NR2C2: variants seen among roughly 807,000 people sequenced by gnomAD.
The protein encoded by NR2C2 is Nuclear hormone receptor TR4.
Under a neutral mutation model 62.9 loss-of-function variants are expected in NR2C2, and 6 were observed. The ratio of observed to expected loss-of-function variants is 0.10; its 90% CI spans 0.05 to 0.19. The LOEUF is 0.19. Ranked by LOEUF, NR2C2 falls within the 10% of genes least tolerant of loss-of-function variation. NR2C2 has a pLI of 1.00. For synonymous variants in NR2C2, 272 were observed against 273.8 expected, an observed-to-expected ratio of 0.99 and a Z score of 0.07; for missense variants, 479 against 762.7, an observed-to-expected ratio of 0.63 and a Z score of 4.38.
chr3:14,994,134 T>A (rs1339366022), intron 1 of NR2C2, among the ~76,000 whole-genome samples: 1 of 152,122 alleles, frequency 6.6e-6, no homozygotes, highest in African/African-American at 2.4e-5. Flanking sequence ...TGTGAAATAC[T>A]TTTTGAATAG....
intron 1 of NR2C2, among the ~76,000 whole-genome samples, chr3:14,992,335 G>C (rs1258766582): frequency 6.6e-6 from 1 of 152,054 alleles, no homozygotes; most frequent in Non-Finnish European, 1.5e-5. Context: ...TTTATATAAT[G>C]AACTGCCAGG....
rs2042411768 is a variant in NR2C2 at position 15,045,335 on chromosome 3, C to T, written c.*2327C>T. 6.6e-6 allele frequency: 1 copy of T among 152,638 alleles called. No homozygotes were observed. 9.5% of individuals were successfully genotyped at this position (152,638 alleles called of 1,614,324 possible). ...CCCCTCCTCTCATTCCCAGGTCATT[C>T]AGTGGCAGCCAGTAGGCTGCTTAGA... On this transcript the variant is annotated 3_prime_UTR_variant, in exon 14 of 14. Transcript: ENST00000425241.
intron 1 of NR2C2, among the ~76,000 whole-genome samples, chr3:14,972,669 G>A (rs115846690): frequency 0.036 from 5,488 of 152,162 alleles, 350 homozygotes; most frequent in African/African-American, 0.12. Context: ...AATACCTGAG[G>A]CTGGGTAATT....
At chr3:14,991,120 C>T (rs772811697) in intron 1 of NR2C2, among the ~76,000 whole-genome samples, 5 of 152,230 alleles carry the variant, frequency 3.3e-5, no homozygotes, top group South Asian at 2.1e-4. Context: ...TTTAAAATCT[C>T]TATTGCCAAC....
At chr3:14,997,431 A>C (rs1204851389) in intron 1 of NR2C2, among the ~76,000 whole-genome samples, 1 of 152,228 alleles carries the variant, frequency 6.6e-6, no homozygotes, top group Non-Finnish European at 1.5e-5. Flanking sequence ...ACTCAACCAA[A>C]ATTTTAAATG....
In NR2C2 at chr3:15,048,339, G is replaced by C. The variant is rs753177241; in HGVS notation, c.*5331G>C. On this transcript the variant is annotated 3_prime_UTR_variant, in exon 14 of 14. Transcript: ENST00000425241. ...CTAGTTAAAATGCAATTGGAAACTT[G>C]ACAGTCTCTAAATGAATTAAAAGTT... is the stretch of plus-strand genomic sequence containing the variant. 4 of 152,634 alleles carry C rather than the reference G, an allele frequency of 2.6e-5. No homozygotes were observed. Among genetic ancestry groups the C allele is most frequent in the Non-Finnish European group, 5.9e-5 (4 of 68,050 alleles). The allele number at this position is 152,634 out of a possible 1,614,324, so 9.5% of individuals were successfully genotyped here.
chr3:14,976,980 C>T (rs1052593702), intron 1 of NR2C2, among the ~76,000 whole-genome samples: 9 of 152,122 alleles, frequency 5.9e-5, no homozygotes, highest in African/African-American at 1.9e-4. Context: ...TAAATGATAC[C>T]GTGCACTCAG....
At position 15,037,101 on chromosome 3, in the gene NR2C2, C is replaced by A. The variant is rs541365779; in HGVS notation, c.1373-899C>A. ...TGTGTCACTGCACTCCAGCCTGGGA[C>A]AGAGTGAGACTCAAAAAAAAAAAAA... is the stretch of plus-strand genomic sequence containing the variant. On this transcript the variant is annotated intron_variant, in intron 11 of 13. Coordinates refer to ENST00000425241, the MANE Select transcript of NR2C2 (RefSeq NM_001291694.2). Among the ~76,000 whole-genome samples the A allele has an allele frequency of 6.7e-5, 10 of 148,488 alleles. No homozygotes were observed. The South Asian group carries it at 1.9e-3, about 28-fold the overall frequency.
intron 1 of NR2C2, among the ~76,000 whole-genome samples, chr3:14,993,055 T>C (rs1379545131): frequency 1.3e-5 from 2 of 152,076 alleles, no homozygotes; most frequent in South Asian, 2.1e-4. Context: ...CAGGAAAAAA[T>C]AGAAAGGAAA....
At chr3:15,029,840 G>T (rs58787636) in intron 8 of NR2C2, among the ~76,000 whole-genome samples, 7,957 of 120,936 alleles carry the variant, frequency 0.066, 638 homozygotes, top group African/African-American at 0.22. Flanking sequence ...TAGATAGATA[G>T]ATATAGATAG....
intron 2 of NR2C2, among the ~76,000 whole-genome samples, chr3:15,012,478 G>A (rs560636176): frequency 6.6e-5 from 10 of 152,192 alleles, no homozygotes; most frequent in African/African-American, 1.9e-4. Context: ...CTCCCACCTC[G>A]GCCTCCCAGA....
At chr3:15,019,357 T>G (rs2041607122) in intron 4 of NR2C2, among the ~76,000 whole-genome samples, 1 of 152,182 alleles carries the variant, frequency 6.6e-6, no homozygotes, top group Non-Finnish European at 1.5e-5. Context: ...GAAAACTGTA[T>G]GGAGGTTCTT....
chr3:15,024,606 C>T (rs1397911635), intron 7 of NR2C2, among the ~76,000 whole-genome samples: 1 of 152,228 alleles, frequency 6.6e-6, no homozygotes, highest in Non-Finnish European at 1.5e-5. Flanking sequence ...GAAGCTCAGC[C>T]AGGAATCTAT....
rs549308161 is a variant in NR2C2 at position 15,048,561 on chromosome 3, A to G, written c.*5553A>G. The G allele has an allele frequency of 6.3e-4, 96 of 152,790 alleles. No homozygotes were observed. Among genetic ancestry groups the G allele is most frequent in the Non-Finnish European group, 1.2e-3 (81 of 68,040 alleles). 9.5% of individuals were successfully genotyped at this position (152,790 alleles called of 1,614,324 possible). On this transcript the variant is annotated 3_prime_UTR_variant, in exon 14 of 14. Transcript: ENST00000425241. ...TTGATTGATAGACTGTTAAAATTTA[A>G]TGTTTGGAATAACATTTGGAAGTAG...
At chr3:14,970,085 T>A (rs2039992412) in intron 1 of NR2C2, among the ~76,000 whole-genome samples, 1 of 152,178 alleles carries the variant, frequency 6.6e-6, no homozygotes, top group Non-Finnish European at 1.5e-5. Flanking sequence ...AGTTGACCAA[T>A]ACAATATTAG....
At chr3:14,977,731 G>A (rs1031888042) in intron 1 of NR2C2, among the ~76,000 whole-genome samples, 4 of 152,038 alleles carry the variant, frequency 2.6e-5, no homozygotes, top group Non-Finnish European at 5.9e-5. Flanking sequence ...TTGGGAGGCC[G>A]AGGCGGGCGG....
chr3:15,040,777 C>T (rs1419204290), intron 13 of NR2C2, among the ~76,000 whole-genome samples: 3 of 152,218 alleles, frequency 2.0e-5, no homozygotes, highest in Non-Finnish European at 4.4e-5. Flanking sequence ...TAACTTCAGC[C>T]TCAATACATA....
chr3:15,040,736 A>T (rs2042236385), intron 13 of NR2C2, among the ~76,000 whole-genome samples: 1 of 152,254 alleles, frequency 6.6e-6, no homozygotes, highest in Non-Finnish European at 1.5e-5. Flanking sequence ...TTTCTACTGG[A>T]ATCATTGAAG....
At chr3:14,964,164 G>C (rs975743957) in intron 1 of NR2C2, among the ~76,000 whole-genome samples, 1 of 151,992 alleles carries the variant, frequency 6.6e-6, no homozygotes, top group African/African-American at 2.4e-5. Flanking sequence ...AGTTCCTATG[G>C]CATATTTCTG....
Sources: gnomAD v4.1 joint callset for allele counts (sites outside exome capture counted in the v4.1 genomes callset) on GRCh38, gnomAD v4.1.1 for gene constraint, MANE v1.5 for transcripts, NCBI Gene and HGNC (gene_info 2026-07-23, HGNC 2026-07-21) for gene names.